Variants in ANGPT1 observed in about 807,000 individuals in gnomAD.
ANGPT1 encodes the protein angiopoietin-1.
ANGPT1 carries 17 observed loss-of-function variants against 62.2 expected under a neutral mutation model. The ratio of observed to expected loss-of-function variants is 0.27; its 90% CI spans 0.19 to 0.41. The LOEUF (loss-of-function observed/expected upper bound fraction) is 0.41, where lower values mean the gene tolerates loss of function less well. ANGPT1 is among the 10% of genes least tolerant of loss of function. ANGPT1 has a pLI of 1.00. For synonymous variants in ANGPT1, 199 were observed against 198.9 expected (o/e 1.00, Z 0.00); for missense variants, 478 against 594.9 (o/e 0.80, Z 2.04).
Position 107,419,659 on chromosome 8 carries a change from A to G in ANGPT1, c.298-72562T>C, listed in dbSNP as rs867225030. On this transcript the variant is annotated intron_variant, in intron 1 of 8. Coordinates refer to ENST00000517746, the MANE Select transcript of ANGPT1 (RefSeq NM_001146.5). ...GTCAGTTTTATTTTCAGATCCAGCC[A>G]GGGACCCCGGGAGAGTTGAGGAAAA... 1.6e-4 allele frequency among the ~76,000 whole-genome samples: 25 copies of G among 152,216 alleles called. No homozygotes were observed. In the South Asian group the frequency reaches 2.3e-3, roughly 14 times the overall value.
chr8:107,470,930 A>C (rs566994527), intron 1 of ANGPT1, among the ~76,000 whole-genome samples: 1 of 152,258 alleles, frequency 6.6e-6, no homozygotes, highest in South Asian at 2.1e-4. Context: ...AAGTAGGAAC[A>C]CTTTTACACT....
At chr8:107,438,394 G>T (rs1811391951) in intron 1 of ANGPT1, among the ~76,000 whole-genome samples, 1 of 151,974 alleles carries the variant, frequency 6.6e-6, no homozygotes, top group Non-Finnish European at 1.5e-5. Context: ...TCCTGATAAA[G>T]ACTGTTCATC....
At chr8:107,459,418 G>C (rs1306670686) in intron 1 of ANGPT1, among the ~76,000 whole-genome samples, 1 of 152,028 alleles carries the variant, frequency 6.6e-6, no homozygotes, top group Non-Finnish European at 1.5e-5. Context: ...GAACCTGGGA[G>C]GCGGAGGTTG....
At chr8:107,436,169 G>A (rs1260950009) in intron 1 of ANGPT1, among the ~76,000 whole-genome samples, 2 of 152,194 alleles carry the variant, frequency 1.3e-5, no homozygotes, top group Admixed American at 6.5e-5. Flanking sequence ...GCCTCCCAAA[G>A]TGCTGGGGTT....
At chr8:107,252,958 A>G (rs1813279420) in intron 8 of ANGPT1, among the ~76,000 whole-genome samples, 1 of 152,168 alleles carries the variant, frequency 6.6e-6, no homozygotes, top group Non-Finnish European at 1.5e-5. Context: ...TACCTAAGGG[A>G]CTAATAGCTA....
chr8:107,395,082 G>T (rs946432579), intron 1 of ANGPT1, among the ~76,000 whole-genome samples: 3 of 152,150 alleles, frequency 2.0e-5, no homozygotes, highest in Admixed American at 2.0e-4. Context: ...CCAAAATAGA[G>T]TGAGCTGCCT....
rs958615272 is a variant in ANGPT1 at position 107,299,422 on chromosome 8, A to C, written c.936+3818T>G. On this transcript the variant is annotated intron_variant, in intron 5 of 8. Transcript: ENST00000517746. ...ATATATATATATATATATATATATA[A>C]ACATACATATATATACTAAGCATAT... Among the ~76,000 whole-genome samples the C allele has an allele frequency of 6.8e-4, 79 of 116,120 alleles. 1 individual carries two copies. Among genetic ancestry groups the C allele is most frequent in the African/African-American group, 2.3e-3 (76 of 32,424 alleles). The allele number at this position is 116,120 out of a possible 152,430, so 76.2% of individuals were successfully genotyped here.
intron 7 of ANGPT1, chr8:107,284,466 C>CA: frequency 3.1e-6 from 1 of 321,006 alleles, no homozygotes; most frequent in South Asian, 1.3e-4. Flanking sequence ...AAATTTAAGC[C>CA]AATATCAAAG....
chr8:107,429,898 TAAA>T (rs1487739460), intron 1 of ANGPT1, among the ~76,000 whole-genome samples: 1 of 152,106 alleles, frequency 6.6e-6, no homozygotes, highest in Admixed American at 6.5e-5. Context: ...GTAAAAGCAA[TAAA>T]AAGGTAACAA....
intron 1 of ANGPT1, among the ~76,000 whole-genome samples, chr8:107,483,387 G>A (rs969708025): frequency 6.6e-6 from 1 of 152,076 alleles, no homozygotes. Context: ...GTTTTCCACT[G>A]CTATTGTCAG....
At chr8:107,319,838 T>G (rs1815109069) in intron 4 of ANGPT1, among the ~76,000 whole-genome samples, 1 of 152,040 alleles carries the variant, frequency 6.6e-6, no homozygotes, top group Admixed American at 6.6e-5. Flanking sequence ...AATATTTAGT[T>G]AGAACGCTTA....
intron 5 of ANGPT1, among the ~76,000 whole-genome samples, chr8:107,296,654 G>C (rs1814424159): frequency 6.6e-6 from 1 of 151,954 alleles, no homozygotes; most frequent in Non-Finnish European, 1.5e-5. Flanking sequence ...AAAGGGAAGT[G>C]AAAATATCAA....
chr8:107,258,430 A>T (rs1220876151), intron 8 of ANGPT1, among the ~76,000 whole-genome samples: 1 of 152,228 alleles, frequency 6.6e-6, no homozygotes, highest in Non-Finnish European at 1.5e-5. Context: ...CGTATCCATT[A>T]GAAAGAGCTC....
At chr8:107,320,379 A>C (rs1815122149) in intron 4 of ANGPT1, among the ~76,000 whole-genome samples, 1 of 152,128 alleles carries the variant, frequency 6.6e-6, no homozygotes. Context: ...ACATCCCTAA[A>C]ATCATGAAAT....
intron 7 of ANGPT1, among the ~76,000 whole-genome samples, chr8:107,280,618 T>G (rs1031731733): frequency 1.3e-5 from 2 of 152,122 alleles, no homozygotes; most frequent in Admixed American, 1.3e-4. Flanking sequence ...AACAAAGGCA[T>G]GGAGGATTTA....
At chr8:107,461,038 G>A (rs926197711) in intron 1 of ANGPT1, among the ~76,000 whole-genome samples, 3 of 151,974 alleles carry the variant, frequency 2.0e-5, no homozygotes, top group Non-Finnish European at 4.4e-5. Flanking sequence ...AAAGCTAAAC[G>A]AAAAATATGA....
At chr8:107,419,276 G>T (rs1480410576) in intron 1 of ANGPT1, among the ~76,000 whole-genome samples, 1 of 152,054 alleles carries the variant, frequency 6.6e-6, no homozygotes, top group African/African-American at 2.4e-5. Flanking sequence ...CCTGAAGCAG[G>T]CTTTAAAAGA....
intron 1 of ANGPT1, among the ~76,000 whole-genome samples, chr8:107,347,957 T>C (rs1246363982): frequency 6.6e-6 from 1 of 152,100 alleles, no homozygotes; most frequent in East Asian, 1.9e-4. Flanking sequence ...CCTGGGAAAA[T>C]AAAGCTGAAC....
intron 1 of ANGPT1, among the ~76,000 whole-genome samples, chr8:107,433,607 T>C (rs1227297518): frequency 1.3e-5 from 2 of 152,208 alleles, no homozygotes; most frequent in Non-Finnish European, 2.9e-5. Context: ...TCAATTTATT[T>C]CAGCTATTAT....
Sources: gnomAD v4.1 joint callset for allele counts (sites outside exome capture counted in the v4.1 genomes callset) on GRCh38, gnomAD v4.1.1 for gene constraint, MANE v1.5 for transcripts, NCBI Gene and HGNC (gene_info 2026-07-23, HGNC 2026-07-21) for gene names.